Variants in JAKMIP2 observed in about 807,000 individuals in gnomAD.
JAKMIP2 encodes janus kinase and microtubule-interacting protein 2.
Under a neutral mutation model 115.0 loss-of-function variants are expected in JAKMIP2, and 25 were observed. The observed-to-expected ratio is 0.22, with a 90% CI of 0.16 to 0.30. The LOEUF is 0.30. Ranked by LOEUF, JAKMIP2 falls within the 10% of genes least tolerant of loss-of-function variation. The pLI, the probability that JAKMIP2 is intolerant of heterozygous loss-of-function variation, is 1.00. For missense variants in JAKMIP2, 642 were observed against 957.6 expected, an observed-to-expected ratio of 0.67 and a Z score of 4.35; for synonymous variants, 334 against 343.6, an observed-to-expected ratio of 0.97 and a Z score of 0.31.
intron 8 of JAKMIP2, among the ~76,000 whole-genome samples, chr5:147,641,214 T>C (rs1401010037): frequency 6.6e-6 from 1 of 152,168 alleles, no homozygotes; most frequent in African/African-American, 2.4e-5. Flanking sequence ...AAGTCCACAT[T>C]AAAAACCAAT....
intron 20 of JAKMIP2, among the ~76,000 whole-genome samples, chr5:147,608,797 G>A (rs1051816425): frequency 6.6e-6 from 1 of 152,122 alleles, no homozygotes; most frequent in African/African-American, 2.4e-5. Context: ...CACTATTAAC[G>A]TGTGTGAGTC....
At chr5:147,738,506 AG>A (rs1193985149) in intron 1 of JAKMIP2, among the ~76,000 whole-genome samples, 2 of 152,202 alleles carry the variant, frequency 1.3e-5, no homozygotes, top group African/African-American at 2.4e-5. Context: ...AACTTCAAAA[AG>A]CAGCAATAGT....
intron 2 of JAKMIP2, among the ~76,000 whole-genome samples, chr5:147,666,022 T>G (rs1362191816): frequency 6.6e-6 from 1 of 152,206 alleles, no homozygotes. Flanking sequence ...TGTCTATCCC[T>G]TAAAATAATC....
intron 3 of JAKMIP2, among the ~76,000 whole-genome samples, chr5:147,657,710 C>G (rs1758749811): frequency 1.3e-5 from 2 of 151,910 alleles, no homozygotes; most frequent in Non-Finnish European, 2.9e-5. Context: ...CCTTTTCATT[C>G]TTTTTTCTCT....
chr5:147,679,808 A>G (rs1036184301), intron 1 of JAKMIP2, among the ~76,000 whole-genome samples: 3 of 152,316 alleles, frequency 2.0e-5, no homozygotes, highest in Non-Finnish European at 4.4e-5. Context: ...GCTTAGCTAT[A>G]ATAACACTTT....
chr5:147,641,628 C>T (rs1251693274), intron 8 of JAKMIP2, 80 bp downstream of exon 8: 2 of 992,782 alleles, frequency 2.0e-6, no homozygotes, highest in Non-Finnish European at 3.2e-6. Flanking sequence ...TTCATCACAT[C>T]TTTGTAGGAA....
intron 1 of JAKMIP2, among the ~76,000 whole-genome samples, chr5:147,687,417 C>G (rs1240083296): frequency 6.6e-6 from 1 of 152,154 alleles, no homozygotes; most frequent in Non-Finnish European, 1.5e-5. Context: ...TACTGGTACT[C>G]AGAGGAGGAG....
At position 147,648,859 on chromosome 5, in the gene JAKMIP2, A is replaced by G. The variant is rs141306558; in HGVS notation, c.838-385T>C. Among the ~76,000 whole-genome samples, 320 of 152,336 alleles carry G rather than the reference A, an allele frequency of 2.1e-3. 2 individuals are homozygous for G. Among genetic ancestry groups the G allele is most frequent in the African/African-American group, 7.2e-3 (300 of 41,578 alleles). On this transcript the variant is annotated intron_variant, in intron 4 of 21. Transcript: ENST00000616793. ...GTCATGGCCACACATTGCTTCCCAC[A>G]GCTTAGACAGCTGTCCTGGTATTAC...
chr5:147,650,305 G>C, intron 4 of JAKMIP2, 33 bp downstream of exon 4: 1 of 1,332,962 alleles, frequency 7.5e-7, no homozygotes, highest in Non-Finnish European at 1.1e-6. Context: ...AAGATGACTT[G>C]TGCATTCTTA....
intron 1 of JAKMIP2, among the ~76,000 whole-genome samples, chr5:147,768,280 A>C (rs564077290): frequency 2.3e-4 from 35 of 152,234 alleles, no homozygotes; most frequent in African/African-American, 7.9e-4. Flanking sequence ...CCGTGCTTTT[A>C]GGATTAAGTT....
intron 1 of JAKMIP2, among the ~76,000 whole-genome samples, chr5:147,754,165 T>G (rs1754661766): frequency 6.6e-6 from 1 of 152,194 alleles, no homozygotes; most frequent in Non-Finnish European, 1.5e-5. Flanking sequence ...AAAGGGAGAT[T>G]AAAATGCTAT....
intron 1 of JAKMIP2, among the ~76,000 whole-genome samples, chr5:147,768,586 A>C (rs371452106): frequency 3.3e-5 from 5 of 152,280 alleles, no homozygotes; most frequent in African/African-American, 1.2e-4. Context: ...AAAATAAGTC[A>C]TGTGAGTTAT....
chr5:147,699,114 C>T (rs776152181), intron 1 of JAKMIP2, among the ~76,000 whole-genome samples: 1 of 152,160 alleles, frequency 6.6e-6, no homozygotes, highest in African/African-American at 2.4e-5. Flanking sequence ...AAAATATACA[C>T]CCATCTATTA....
chr5:147,654,026 T>C (rs943735447), intron 3 of JAKMIP2, among the ~76,000 whole-genome samples: 1 of 152,146 alleles, frequency 6.6e-6, no homozygotes, highest in Non-Finnish European at 1.5e-5. Context: ...GTTGTAGATG[T>C]GTGGTGTTAT....
chr5:147,774,683 C>T (rs754003079), intron 1 of JAKMIP2, among the ~76,000 whole-genome samples: 1 of 152,030 alleles, frequency 6.6e-6, no homozygotes, highest in South Asian at 2.1e-4. Context: ...GTGATGACTA[C>T]GGAGTAAGAG....
intron 1 of JAKMIP2, among the ~76,000 whole-genome samples, chr5:147,759,437 T>G (rs1392982693): frequency 2.6e-5 from 4 of 152,118 alleles, no homozygotes; most frequent in Non-Finnish European, 5.9e-5. Context: ...TGCACAAATT[T>G]GAGCATCTAC....
rs766053178 is a variant in JAKMIP2, at chr5:147,644,831, C to T, written c.1083+19G>A. On this transcript the variant is annotated intron_variant, in intron 6 of 21. Coordinates refer to ENST00000616793, the MANE Select transcript of JAKMIP2 (RefSeq NM_001270941.2). ...TATAATCAAGGAAGCTGCAGTTTTG[C>T]AGAGTCTGTGATACACACCATTTCT... 6.2e-7 allele frequency: 1 copy of T among 1,600,286 alleles called. No homozygotes were observed. Among genetic ancestry groups the T allele is most frequent in the Non-Finnish European group, 8.5e-7 (1 of 1,175,488 alleles).
intron 21 of JAKMIP2, among the ~76,000 whole-genome samples, chr5:147,597,159 A>G (rs1455783511): frequency 6.6e-6 from 1 of 151,960 alleles, no homozygotes; most frequent in African/African-American, 2.4e-5. Context: ...CTGGGATTAC[A>G]GGAGTGAGCC....
In JAKMIP2 at chr5:147,650,329, T is replaced by C. The variant is rs575473853; in HGVS notation, c.837+9A>G. On this transcript the variant is annotated intron_variant, in intron 4 of 21. Coordinates refer to ENST00000616793, the MANE Select transcript of JAKMIP2 (RefSeq NM_001270941.2). ...TGTGCATTCTTAACTTCAACTAGAA[T>C]GGACTTACAGGACTGCTGCAGTGTT... The C allele has an allele frequency of 6.4e-7, 1 of 1,570,338 alleles. No homozygotes were observed. The highest frequency in any genetic ancestry group is 8.8e-7 in the Non-Finnish European group (1 of 1,140,070).
Sources: gnomAD v4.1 joint callset for allele counts (sites outside exome capture counted in the v4.1 genomes callset) on GRCh38, gnomAD v4.1.1 for gene constraint, MANE v1.5 for transcripts, NCBI Gene and HGNC (gene_info 2026-07-23, HGNC 2026-07-21) for gene names.